The following PACSIN2 variants were observed in gnomAD, a reference collection of about 807,000 sequenced individuals.
PACSIN2 encodes the protein protein kinase C and casein kinase substrate in neurons protein 2.
In PACSIN2, 25 loss-of-function variants were observed where a neutral mutation model predicts 63.8. That is an observed-to-expected ratio of 0.39 (90% CI 0.29 to 0.55). The LOEUF (loss-of-function observed/expected upper bound fraction) is 0.55, where lower values mean the gene tolerates loss of function less well. PACSIN2 is among the 20% of genes least tolerant of loss of function. PACSIN2 has a pLI of 0.62. For missense variants in PACSIN2, 518 were observed against 646.9 expected (o/e 0.80, Z 2.16); for synonymous variants, 255 against 256.2 (o/e 1.00, Z 0.05).
intron 1 of PACSIN2, among the ~76,000 whole-genome samples, chr22:42,983,535 G>T (rs1334453056): frequency 1.3e-5 from 2 of 150,074 alleles, no homozygotes; most frequent in Non-Finnish European, 2.9e-5. Flanking sequence ...TAAATTATTG[G>T]TGTGGCATAT....
intron 2 of PACSIN2, among the ~76,000 whole-genome samples, chr22:42,908,624 G>A (rs1027606238): frequency 2.0e-4 from 31 of 152,202 alleles, no homozygotes; most frequent in Non-Finnish European, 5.9e-5. Context: ...CTTGCTGAGG[G>A]AGCGACCCAC....
intron 1 of PACSIN2, among the ~76,000 whole-genome samples, chr22:42,943,613 TTTTC>T (rs1400798573): frequency 2.0e-5 from 3 of 151,946 alleles, no homozygotes; most frequent in Non-Finnish European, 2.9e-5. Context: ...GTTGGGTGTT[TTTTC>T]TTTCTTTTGT....
At chr22:42,978,234 G>A (rs959525386) in intron 1 of PACSIN2, among the ~76,000 whole-genome samples, 25 of 152,228 alleles carry the variant, frequency 1.6e-4, no homozygotes, top group African/African-American at 5.5e-4. Flanking sequence ...CCTACAATAG[G>A]TCCCTCTCTT....
intron 1 of PACSIN2, among the ~76,000 whole-genome samples, chr22:42,981,036 G>C (rs1009485357): frequency 1.4e-5 from 2 of 147,486 alleles, no homozygotes; most frequent in African/African-American, 2.5e-5. Flanking sequence ...TCTAGGAAGC[G>C]AGGAGCGCCT....
At chr22:42,959,686 G>C (rs865881158) in intron 1 of PACSIN2, 6 of 152,208 alleles carry the variant, frequency 3.9e-5, no homozygotes, top group African/African-American at 7.2e-5. Context: ...TGCATAGAAG[G>C]TGAGAGTTCT....
chr22:42,938,221 G>A (rs147013880), intron 1 of PACSIN2, among the ~76,000 whole-genome samples: 59 of 152,332 alleles, frequency 3.9e-4, no homozygotes, highest in Admixed American at 2.0e-3. Context: ...CTGGGCTCGC[G>A]AAGCAGCAGA....
chr22:42,945,621 A>AC (rs1348887931), intron 1 of PACSIN2, among the ~76,000 whole-genome samples: 1 of 150,646 alleles, frequency 6.6e-6, no homozygotes, highest in Non-Finnish European at 1.5e-5. Context: ...CCCACACCCA[A>AC]CCCCCCTCAC....
intron 1 of PACSIN2, among the ~76,000 whole-genome samples, chr22:42,917,735 G>A (rs1017721518): frequency 6.6e-6 from 1 of 152,294 alleles, no homozygotes; most frequent in African/African-American, 2.4e-5. Flanking sequence ...TTCAGAAGAT[G>A]TTAGTAAGCC....
Position 42,975,541 on chromosome 22 carries a change from G to A in PACSIN2, c.-78+39480C>T, listed in dbSNP as rs562457750. Among the ~76,000 whole-genome samples the A allele has an allele frequency of 6.0e-5, 9 of 149,158 alleles. 1 individual carries two copies. In the South Asian group the frequency reaches 1.9e-3, roughly 31 times the overall value. The stretch of plus-strand genomic sequence containing the variant: ...AAAATGAAATTTGCAGATTACTTAT[G>A]AGTCTCTTTTTATAAAATTCATAAA... On this transcript the variant is annotated intron_variant, in intron 1 of 10. Coordinates refer to ENST00000263246, the MANE Select transcript of PACSIN2 (RefSeq NM_001184970.3).
chr22:42,913,678 T>C (rs553284935), intron 1 of PACSIN2, among the ~76,000 whole-genome samples: 20 of 152,284 alleles, frequency 1.3e-4, no homozygotes, highest in Non-Finnish European at 2.5e-4. Context: ...ACTATTATTA[T>C]TGCATAGTAA....
intron 1 of PACSIN2, among the ~76,000 whole-genome samples, chr22:42,962,062 C>A (rs942366397): frequency 6.6e-6 from 1 of 152,038 alleles, no homozygotes; most frequent in African/African-American, 2.4e-5. Context: ...ACAGAAGCAG[C>A]GCCTGAGTTC....
chr22:42,954,098 C>A (rs904445741), intron 1 of PACSIN2, among the ~76,000 whole-genome samples: 5 of 152,010 alleles, frequency 3.3e-5, no homozygotes, highest in Non-Finnish European at 7.4e-5. Flanking sequence ...CTGTCTCTAC[C>A]AAAAAACTCA....
rs115162568 is a variant in PACSIN2 at position 42,965,675 on chromosome 22, C to T, written c.-78+49346G>A. Among the ~76,000 whole-genome samples, 888 of 152,266 alleles carry T rather than the reference C, an allele frequency of 5.8e-3. 8 individuals carry two copies. Among genetic ancestry groups the T allele is most frequent in the African/African-American group, 0.02 (817 of 41,554 alleles). On this transcript the variant is annotated intron_variant, in intron 1 of 10. Coordinates refer to ENST00000263246, the MANE Select transcript of PACSIN2 (RefSeq NM_001184970.3). ...GGAATAACTGATCCTCTACCAATGA[C>T]TTTGGTAGAGGATCCAAATGGTCCA...
At chr22:42,937,182 AG>A (rs1932952208) in intron 1 of PACSIN2, among the ~76,000 whole-genome samples, 2 of 152,146 alleles carry the variant, frequency 1.3e-5, no homozygotes. Flanking sequence ...AGGATGAGAT[AG>A]GGAGGAGACA....
chr22:42,960,789 C>T (rs1396301921), intron 1 of PACSIN2, among the ~76,000 whole-genome samples: 1 of 152,134 alleles, frequency 6.6e-6, no homozygotes, highest in African/African-American at 2.4e-5. Flanking sequence ...GTGTGCTGGG[C>T]TTGTGAAAAT....
intron 4 of PACSIN2, 67 bp downstream of exon 4, chr22:42,890,880 G>C: frequency 7.8e-7 from 1 of 1,283,630 alleles, no homozygotes; most frequent in Non-Finnish European, 1.1e-6. Context: ...AGGTGCAGGA[G>C]GTGGTGCTGC....
At chr22:42,933,678 C>T (rs1932829980) in intron 1 of PACSIN2, among the ~76,000 whole-genome samples, 1 of 152,228 alleles carries the variant, frequency 6.6e-6, no homozygotes, top group Admixed American at 6.5e-5. Context: ...CAACGGGGCC[C>T]TCACAGCCCC....
At chr22:42,999,618 A>ATG (rs1923636594) in intron 1 of PACSIN2, among the ~76,000 whole-genome samples, 1 of 152,188 alleles carries the variant, frequency 6.6e-6, no homozygotes, top group Admixed American at 6.5e-5. Context: ...CCGTGAGACA[A>ATG]GATCATGCCA....
rs1319991853 is a variant in PACSIN2 at position 42,900,075 on chromosome 22, G to A, written c.61-6462C>T. Among the ~76,000 whole-genome samples, 3 of 152,070 alleles carry A rather than the reference G, an allele frequency of 2.0e-5. No individual in the cohort carries two copies. The South Asian group carries it at 6.2e-4, about 32-fold the overall frequency. ...TGAAGTCTTGGCTCCTTTTCCCCAC[G>A]CAGGCTTCCCTGATGCAGCCCGTCC... On this transcript the variant is annotated intron_variant, in intron 2 of 10. Coordinates refer to ENST00000263246, the MANE Select transcript of PACSIN2 (RefSeq NM_001184970.3).
Sources: gnomAD v4.1 joint callset for allele counts (sites outside exome capture counted in the v4.1 genomes callset) on GRCh38, gnomAD v4.1.1 for gene constraint, MANE v1.5 for transcripts, NCBI Gene and HGNC (gene_info 2026-07-23, HGNC 2026-07-21) for gene names.